CYP4V2: variants seen among roughly 807,000 people sequenced by gnomAD.
CYP4V2 encodes the protein cytochrome P450 4V2.
A neutral mutation model predicts 60.8 loss-of-function variants in CYP4V2; 55 were observed. That is an observed-to-expected ratio of 0.90 (90% CI 0.73 to 1.13). The LOEUF (loss-of-function observed/expected upper bound fraction) is 1.13, where lower values mean the gene tolerates loss of function less well. Among genes scored for constraint, CYP4V2 ranks in the 50% most tolerant of loss-of-function variants. The pLI, the probability that CYP4V2 is intolerant of heterozygous loss-of-function variation, is 0.00. For synonymous variants in CYP4V2, 239 were observed against 236.8 expected (o/e 1.01, Z -0.08); for missense variants, 675 against 662.9 (o/e 1.02, Z -0.20).
At position 186,191,686 on chromosome 4, in the gene CYP4V2, G is replaced by C. The variant is rs766885816; in HGVS notation, c.-138G>C. 1.2e-6 allele frequency: 1 copy of C among 802,898 alleles called. No homozygotes were observed. Among genetic ancestry groups the C allele is most frequent in the Middle Eastern group, 4.3e-4 (1 of 2,326 alleles). 49.7% of individuals were successfully genotyped at this position (802,898 alleles called of 1,614,324 possible). A position where few individuals can be genotyped will look rare whatever the true frequency, so the allele number is the denominator to read the frequency against. ...GCCCGGGCGGGAAACGTCGTTCCGG[G>C]GACCGGGCGACCCCGCAGCGGGGAG... On this transcript the variant is annotated 5_prime_UTR_variant, in exon 1 of 11. Coordinates refer to ENST00000378802, the MANE Select transcript of CYP4V2 (RefSeq NM_207352.4).
intron 6 of CYP4V2, 152 bp from the exon 7 acceptor site, chr4:186,201,005 A>G (rs1478503993): frequency 3.9e-6 from 3 of 773,726 alleles, no homozygotes; most frequent in Non-Finnish European, 4.1e-6. Context: ...ATGAGGCTTT[A>G]CTGTATTTTC....
At position 186,201,681 on chromosome 4, in the gene CYP4V2, C is replaced by G. The variant is rs1299509096; in HGVS notation, c.987+339C>G. On this transcript the variant is annotated intron_variant, in intron 7 of 10. Transcript: ENST00000378802. Reference sequence around the variant, plus strand: ...GCTTCCTTCTAACCTCCCAGACATGCAAGTCCACTTCCTCACCACCTGCTT... The same window carrying G: ...GCTTCCTTCTAACCTCCCAGACATGGAAGTCCACTTCCTCACCACCTGCTT... 6.0e-5 allele frequency: 16 copies of G among 266,056 alleles called. No individual in the cohort carries two copies. In the East Asian group the frequency reaches 1.7e-3, roughly 29 times the overall value. 16.5% of individuals were successfully genotyped at this position (266,056 alleles called of 1,614,324 possible). A position where few individuals can be genotyped will look rare whatever the true frequency, so the allele number is the denominator to read the frequency against.
intron 5 of CYP4V2, among the ~76,000 whole-genome samples, chr4:186,198,018 TTTG>T (rs1736207223): frequency 6.6e-6 from 1 of 152,230 alleles, no homozygotes; most frequent in South Asian, 2.1e-4. Flanking sequence ...GTGCTTTCCT[TTTG>T]TTGTTATTCT....
At chr4:186,204,546 G>A (rs956981984) in intron 7 of CYP4V2, 11 of 184,578 alleles carry the variant, frequency 6.0e-5, no homozygotes, top group African/African-American at 2.2e-4. Flanking sequence ...ACACGCCGCA[G>A]GCTCAGTTTC....
chr4:186,194,411 T>C (rs1736081813), intron 1 of CYP4V2, 89 bp from the exon 2 acceptor site: 1 of 1,092,136 alleles, frequency 9.2e-7, no homozygotes, highest in East Asian at 2.4e-5. Flanking sequence ...AATTAGTATA[T>C]TCATCAAAAT....
chr4:186,196,194 G>C (rs1455497474), intron 3 of CYP4V2, 106 bp downstream of exon 3: 3 of 1,018,030 alleles, frequency 2.9e-6, no homozygotes, highest in African/African-American at 1.6e-5. Context: ...TAGCAGGACT[G>C]TTCTCTCAGA....
chr4:186,193,579 C>T (rs1436455352), intron 1 of CYP4V2, among the ~76,000 whole-genome samples: 1 of 152,078 alleles, frequency 6.6e-6, no homozygotes, highest in Non-Finnish European at 1.5e-5. Flanking sequence ...GTTAAAGTGA[C>T]TATATTACAG....
chr4:186,199,509 T>C (rs1347302133), intron 6 of CYP4V2, among the ~76,000 whole-genome samples: 3 of 152,300 alleles, frequency 2.0e-5, no homozygotes, highest in Middle Eastern at 3.4e-3. Context: ...AGAGGTGATC[T>C]ATCAACACAT....
At position 186,210,744 on chromosome 4, in the gene CYP4V2, C is replaced by T; in HGVS notation, c.*103C>T. 5.6e-6 allele frequency: 8 copies of T among 1,426,452 alleles called. No individual in the cohort carries two copies. Among genetic ancestry groups the T allele is most frequent in the Non-Finnish European group, 7.7e-6 (8 of 1,035,234 alleles). The allele number at this position is 1,426,452 out of a possible 1,614,324, so 88.4% of individuals were successfully genotyped here. On this transcript the variant is annotated 3_prime_UTR_variant, in exon 11 of 11. Coordinates refer to ENST00000378802, the MANE Select transcript of CYP4V2 (RefSeq NM_207352.4). ...CATGAGTTCAATATGCTTGAATCCCCTAGACCTAATTTTTCCTTGATCCCA... is the reference window on the plus strand; with the variant it reads ...CATGAGTTCAATATGCTTGAATCCCTTAGACCTAATTTTTCCTTGATCCCA...
At chr4:186,207,269 C>T (rs2126597943) in intron 8 of CYP4V2, among the ~76,000 whole-genome samples, 1 of 151,826 alleles carries the variant, frequency 6.6e-6, no homozygotes, top group East Asian at 1.9e-4. Flanking sequence ...ATTAGCCGGG[C>T]ATGGTGGCAG....
chr4:186,196,078 C>G lies in CYP4V2; in HGVS notation c.403C>G (p.Leu135Val). Reference protein sequence around the residue: ...KFLEPWLGLGLLTSTGNKWRS... With the variant: ...KFLEPWLGLGVLTSTGNKWRS... ...TTTAGAACCATGGCTTGGCCTAGGA[C>G]TTCTTACAAGGTATGCCAGTGTACC... Residue 135 changes from leucine to valine, a missense_variant, in exon 3 of 11, where the codon CTT becomes GTT. Transcript: ENST00000378802. 1.2e-6 allele frequency: 2 copies of G among 1,613,616 alleles called. No homozygotes were observed. The highest frequency in any genetic ancestry group is 1.7e-6 in the Non-Finnish European group (2 of 1,179,508).
intron 7 of CYP4V2, chr4:186,204,582 T>C (rs991898527): frequency 5.2e-6 from 1 of 191,212 alleles, no homozygotes; most frequent in Non-Finnish European, 1.1e-5. Flanking sequence ...CTAAGCTGTT[T>C]AGCACAGAAG....
At position 186,196,037 on chromosome 4, in the gene CYP4V2, C is replaced by T. The variant is rs774007286; in HGVS notation, c.362C>T (p.Ser121Phe). 1.2e-6 allele frequency: 2 copies of T among 1,614,044 alleles called. No individual in the cohort carries two copies. Among genetic ancestry groups the T allele is most frequent in the South Asian group, 2.2e-5 (2 of 91,084 alleles). ...ACTAGTTCAAAGCAAATTGACAAAT[C>T]CTCTATGTACAAGTTTTTAGAACCA... The part of the protein sequence containing the change: ...ILTSSKQIDK[S>F]SMYKFLEPWL... Residue 121 changes from serine to phenylalanine, a missense_variant, in exon 3 of 11, where the codon TCC becomes TTC. Ser to Phe is a radical substitution (Grantham distance 155). Transcript: ENST00000378802.
At chr4:186,193,267 T>C (rs1347625806) in intron 1 of CYP4V2, among the ~76,000 whole-genome samples, 1 of 152,168 alleles carries the variant, frequency 6.6e-6, no homozygotes, top group Non-Finnish European at 1.5e-5. Context: ...TGGAAAGTAA[T>C]ATACTGAAGT....
intron 7 of CYP4V2, chr4:186,202,954 C>T (rs1279421601): frequency 6.6e-6 from 1 of 151,682 alleles, no homozygotes; most frequent in African/African-American, 2.4e-5. Context: ...ATGCACACAC[C>T]ACCCCCCACA....
chr4:186,205,981 T>A (rs1736485809), intron 8 of CYP4V2, among the ~76,000 whole-genome samples: 2 of 152,192 alleles, frequency 1.3e-5, no homozygotes, highest in African/African-American at 4.8e-5. Context: ...GCGACGTCTG[T>A]TCCCTCACAG....
chr4:186,212,141 T>C lies in CYP4V2; in HGVS notation c.*1500T>C, dbSNP rs923115806. 6.6e-6 allele frequency: 1 copy of C among 152,126 alleles called. No homozygotes were observed. The highest frequency in any genetic ancestry group is 1.5e-5 in the Non-Finnish European group (1 of 68,028). The allele number at this position is 152,126 out of a possible 1,614,324, so 9.4% of individuals were successfully genotyped here. A position where few individuals can be genotyped will look rare whatever the true frequency, so the allele number is the denominator to read the frequency against. On this transcript the variant is annotated 3_prime_UTR_variant, in exon 11 of 11. Transcript: ENST00000378802. The stretch of plus-strand genomic sequence containing the variant: ...TGACAGAGCTGGAAATACGTAGAGA[T>C]CTATACCCTTAAATCTCTCCACTCA...
Position 186,197,533 on chromosome 4 carries a change from A to C in CYP4V2, c.605A>C (p.Glu202Ala). The C allele has an allele frequency of 6.2e-7, 1 of 1,614,216 alleles. No individual in the cohort carries two copies. Residue 202 changes from glutamate to alanine, a missense_variant and splice_region_variant, in exon 5 of 11, where the codon GAA (glutamate) becomes GCA (alanine). Glu to Ala is a moderately radical substitution (Grantham distance 107, BLOSUM62 -1). Coordinates refer to ENST00000378802, the MANE Select transcript of CYP4V2 (RefSeq NM_207352.4). ...ITLCALDIIC[E>A]TAMGKNIGAQ... ...GTTGCTTCTCACCCATATTTTATAGAAACAGCTATGGGGAAGAATATTGGT... is the reference window on the plus strand; with the variant it reads ...GTTGCTTCTCACCCATATTTTATAGCAACAGCTATGGGGAAGAATATTGGT...
intron 1 of CYP4V2, among the ~76,000 whole-genome samples, chr4:186,192,857 G>C (rs867452600): frequency 6.6e-6 from 1 of 152,158 alleles, no homozygotes; most frequent in South Asian, 2.1e-4. Flanking sequence ...AATTGGCCCA[G>C]ACCAGAACCC....
Sources: allele counts gnomAD v4.1 joint callset (sites outside exome capture counted in the v4.1 genomes callset), GRCh38; gene constraint gnomAD v4.1.1; transcripts MANE v1.5; gene names NCBI Gene and HGNC (gene_info 2026-07-23, HGNC 2026-07-21).